NHS: variants seen among roughly 807,000 people sequenced by gnomAD.
The protein encoded by NHS is NHS actin remodeling regulator.
A neutral mutation model predicts 72.5 loss-of-function variants in NHS; 5 were observed. The ratio of observed to expected loss-of-function variants is 0.07; its 90% CI spans 0.04 to 0.14. The LOEUF is 0.14. Ranked by LOEUF, NHS falls within the 10% of genes least tolerant of loss-of-function variation. NHS has a pLI of 1.00. For missense variants in NHS, 1,072 were observed against 1,355.7 expected (o/e 0.79, Z 3.29); for synonymous variants, 464 against 547.7 (o/e 0.85, Z 2.13).
At chrX:17,448,237 C>T (rs1336604550) in intron 1 of NHS, among the ~76,000 whole-genome samples, 1 of 112,097 alleles carries the variant, frequency 8.9e-6, no homozygotes, top group Non-Finnish European at 1.9e-5. Flanking sequence ...GAAAAAAAAT[C>T]TTTAGAGTTG....
At chrX:17,607,923 T>C (rs750812331) in intron 1 of NHS, among the ~76,000 whole-genome samples, 30 of 102,262 alleles carry the variant, frequency 2.9e-4, no homozygotes, top group Admixed American at 7.3e-4. Flanking sequence ...TCTTTTCTTT[T>C]TTTTTTTTTT....
chrX:17,589,074 AG>A (rs2065589716), intron 1 of NHS, among the ~76,000 whole-genome samples: 1 of 112,656 alleles, frequency 8.9e-6, no homozygotes, highest in South Asian at 3.7e-4. Context: ...TTCAACACAT[AG>A]CACAGTGTTA....
chrX:17,422,441 C>T, intron 1 of NHS, among the ~76,000 whole-genome samples: 1 of 111,090 alleles, frequency 9.0e-6, no homozygotes, highest in Middle Eastern at 4.6e-3. Context: ...CGAAAACCCT[C>T]TATATGCTTA....
At chrX:17,688,435 G>T (rs1277411114) in intron 2 of NHS, among the ~76,000 whole-genome samples, 4 of 111,841 alleles carry the variant, frequency 3.6e-5, no homozygotes, top group Non-Finnish European at 7.5e-5. Context: ...GTGAGACCTG[G>T]GACACATTTT....
chrX:17,421,923 T>C (rs1270322235), intron 1 of NHS, among the ~76,000 whole-genome samples: 1 of 108,884 alleles, frequency 9.2e-6, no homozygotes, highest in Admixed American at 1.0e-4. Flanking sequence ...AAAAATGAGA[T>C]ATAACTGACA....
chrX:17,658,877 C>A (rs185278785), intron 1 of NHS, among the ~76,000 whole-genome samples: 74 of 112,090 alleles, frequency 6.6e-4, no homozygotes, highest in Middle Eastern at 9.2e-3. Context: ...CCTAAACCAG[C>A]AATTGACTAG....
At chrX:17,576,848 A>G (rs768069186) in intron 1 of NHS, among the ~76,000 whole-genome samples, 3 of 111,976 alleles carry the variant, frequency 2.7e-5, no homozygotes, top group Non-Finnish European at 3.8e-5. Flanking sequence ...AGGGATGGGC[A>G]CTTATCCAGC....
At chrX:17,443,378 G>A (rs991699283) in intron 1 of NHS, among the ~76,000 whole-genome samples, 1 of 111,682 alleles carries the variant, frequency 9.0e-6, no homozygotes, top group Non-Finnish European at 1.9e-5. Flanking sequence ...GTCTTAGGAC[G>A]GCCACCTGGT....
intron 1 of NHS, among the ~76,000 whole-genome samples, chrX:17,656,612 C>G (rs1225702434): frequency 8.9e-6 from 1 of 112,509 alleles, no homozygotes; most frequent in Admixed American, 9.3e-5. Context: ...GCAAAGGGAA[C>G]AGCGCTGGCT....
In NHS at chrX:17,379,199, G is replaced by A. The variant is rs2064362523; in HGVS notation, c.565+2877G>A. ...GCTTCCTGTTGCCCTGAGACAGGCT[G>A]GGGGGCTTCTTGCAGGGGCAACATG... On this transcript the variant is annotated intron_variant, in intron 1 of 8. Coordinates refer to ENST00000676302, the MANE Select transcript of NHS (RefSeq NM_001291867.2). 2.8e-5 allele frequency among the ~76,000 whole-genome samples: 3 copies of A among 109,089 alleles called. No homozygotes were observed. In the Admixed American group the frequency reaches 3.0e-4, roughly 11 times the overall value. The allele number at this position is 109,089 out of a possible 115,157, so 94.7% of individuals were successfully genotyped here.
At chrX:17,421,249 GCA>G (rs752023167) in intron 1 of NHS, among the ~76,000 whole-genome samples, 55 of 96,760 alleles carry the variant, frequency 5.7e-4, no homozygotes, top group Admixed American at 8.4e-4. Flanking sequence ...GTGTGTGCGC[GCA>G]CACACACACA....
chrX:17,556,852 G>T (rs1762209540), intron 1 of NHS, among the ~76,000 whole-genome samples: 1 of 110,817 alleles, frequency 9.0e-6, no homozygotes, highest in Non-Finnish European at 1.9e-5. Flanking sequence ...CTGAACATTG[G>T]CAATTTCATA....
chrX:17,532,583 C>T lies in NHS; in HGVS notation c.566-155159C>T, dbSNP rs955926385. On this transcript the variant is annotated intron_variant, in intron 1 of 8. Coordinates refer to ENST00000676302, the MANE Select transcript of NHS (RefSeq NM_001291867.2). ...AAGAGCAAATTCAGAGAGCCTGAGA[C>T]GTCACCATGAGATATGGTCTATAGA... Among the ~76,000 whole-genome samples, 6 of 111,740 alleles carry T rather than the reference C, an allele frequency of 5.4e-5. No individual in the cohort carries two copies. In the Admixed American group the frequency reaches 5.7e-4, roughly 11 times the overall value.
intron 1 of NHS, among the ~76,000 whole-genome samples, chrX:17,679,941 A>G (rs1416304275): frequency 9.0e-6 from 1 of 110,944 alleles, no homozygotes; most frequent in Non-Finnish European, 1.9e-5. Context: ...GTATACTCTA[A>G]GTCTCAAAGT....
At chrX:17,385,280 A>G (rs2064400615) in intron 1 of NHS, among the ~76,000 whole-genome samples, 1 of 111,880 alleles carries the variant, frequency 8.9e-6, no homozygotes, top group South Asian at 3.8e-4. Context: ...CTGGGAGGCC[A>G]AGGTGGGAGG....
chrX:17,669,218 A>G (rs896512041), intron 1 of NHS, among the ~76,000 whole-genome samples: 3 of 112,437 alleles, frequency 2.7e-5, no homozygotes, highest in South Asian at 7.5e-4. Flanking sequence ...GAAGACAGAG[A>G]ACTCATATGT....
intron 1 of NHS, among the ~76,000 whole-genome samples, chrX:17,395,167 A>C (rs1267239238): frequency 9.2e-6 from 1 of 109,247 alleles, no homozygotes; most frequent in Non-Finnish European, 1.9e-5. Flanking sequence ...ATGATGGAGA[A>C]ACAGAGGCAA....
intron 1 of NHS, among the ~76,000 whole-genome samples, chrX:17,379,573 G>C (rs1475675257): frequency 9.0e-6 from 1 of 111,391 alleles, no homozygotes; most frequent in Admixed American, 9.4e-5. Context: ...TCAGGAGTTC[G>C]AGACCAGCCT....
intron 1 of NHS, among the ~76,000 whole-genome samples, chrX:17,612,205 TG>T (rs199920458): frequency 0.06 from 6,559 of 109,067 alleles, 524 homozygotes; most frequent in African/African-American, 0.21. Context: ...TTTTTTTTTT[TG>T]GGCAGGGCCA....
Sources: gnomAD v4.1 joint callset for allele counts (sites outside exome capture counted in the v4.1 genomes callset) on GRCh38, gnomAD v4.1.1 for gene constraint, MANE v1.5 for transcripts, NCBI Gene and HGNC (gene_info 2026-07-23, HGNC 2026-07-21) for gene names.